The following PPP1R9A variants were observed in gnomAD, a reference collection of about 807,000 sequenced individuals.
PPP1R9A encodes the protein protein phosphatase 1 regulatory subunit 9A.
A neutral mutation model predicts 141.9 loss-of-function variants in PPP1R9A; 59 were observed. The observed-to-expected ratio is 0.42, with a 90% confidence interval of 0.34 to 0.52. PPP1R9A has a LOEUF of 0.52. PPP1R9A is among the 20% of genes least tolerant of loss of function. The pLI is 0.10. For synonymous variants in PPP1R9A, 500 were observed against 569.7 expected (o/e 0.88, Z 1.74); for missense variants, 1,444 against 1,611.9 (o/e 0.90, Z 1.78).
At chr7:95,084,833 A>C (rs1816386493) in intron 2 of PPP1R9A, among the ~76,000 whole-genome samples, 1 of 152,002 alleles carries the variant, frequency 6.6e-6, no homozygotes, top group African/African-American at 2.4e-5. Flanking sequence ...ATGGACATTA[A>C]GATTGTTTAT....
intron 8 of PPP1R9A, among the ~76,000 whole-genome samples, chr7:95,240,420 T>C (rs915155937): frequency 2.0e-5 from 3 of 152,050 alleles, no homozygotes; most frequent in African/African-American, 4.8e-5. Flanking sequence ...ATTTCTGTTT[T>C]TTTTCTAGAA....
intron 4 of PPP1R9A, chr7:95,154,829 T>C (rs1293492920): frequency 1.3e-5 from 2 of 152,284 alleles, no homozygotes; most frequent in East Asian, 1.9e-4. Flanking sequence ...TTTTCCCTTC[T>C]AGTAGTTATA....
chr7:94,964,441 C>T (rs1797982344), intron 2 of PPP1R9A, among the ~76,000 whole-genome samples: 1 of 152,102 alleles, frequency 6.6e-6, no homozygotes, highest in Non-Finnish European at 1.5e-5. Context: ...ACCCATCAAC[C>T]TGTCATCTAC....
intron 2 of PPP1R9A, among the ~76,000 whole-genome samples, chr7:95,097,206 A>T (rs1349762752): frequency 6.6e-6 from 1 of 151,978 alleles, no homozygotes; most frequent in African/African-American, 2.4e-5. Context: ...TTGTATTTTT[A>T]GTAGAGAAGG....
intron 8 of PPP1R9A, among the ~76,000 whole-genome samples, chr7:95,243,959 T>G (rs921173257): frequency 6.6e-6 from 1 of 152,110 alleles, no homozygotes; most frequent in African/African-American, 2.4e-5. Context: ...CCATACTATA[T>G]AAAACAAAAA....
intron 2 of PPP1R9A, among the ~76,000 whole-genome samples, chr7:95,078,356 A>G (rs953812250): frequency 6.6e-6 from 1 of 151,790 alleles, no homozygotes; most frequent in African/African-American, 2.4e-5. Context: ...TATATGTGCC[A>G]CATTTTCTTA....
chr7:95,072,750 ATAT>A (rs1489773184), intron 2 of PPP1R9A, among the ~76,000 whole-genome samples: 34 of 106,094 alleles, frequency 3.2e-4, no homozygotes, highest in South Asian at 1.2e-3. Context: ...ATAATATATA[ATAT>A]TATATTAAAT....
chr7:95,223,136 T>G (rs1794685493), intron 7 of PPP1R9A, among the ~76,000 whole-genome samples: 1 of 151,988 alleles, frequency 6.6e-6, no homozygotes, highest in Admixed American at 6.6e-5. Flanking sequence ...GTCCTCAGGA[T>G]GCTTATAAGG....
intron 2 of PPP1R9A, among the ~76,000 whole-genome samples, chr7:95,046,767 C>T (rs1280629045): frequency 1.3e-5 from 2 of 152,132 alleles, no homozygotes; most frequent in African/African-American, 4.8e-5. Flanking sequence ...CTAAACAATG[C>T]GTTATCTTTG....
intron 2 of PPP1R9A, among the ~76,000 whole-genome samples, chr7:94,983,977 T>C (rs1293568282): frequency 2.6e-5 from 4 of 152,184 alleles, no homozygotes; most frequent in Non-Finnish European, 4.4e-5. Context: ...TTGTCATAAA[T>C]AGCTCTTATT....
rs563147343 is a variant in PPP1R9A at position 95,204,263 on chromosome 7, A to G, written c.1956+533A>G. ...TCTAAAATGATACTATACTTTAAAT[A>G]ATAAAATAATTCTCGTTATGTTTAG... is the stretch of plus-strand genomic sequence containing the variant. On this transcript the variant is annotated intron_variant, in intron 7 of 19. Transcript: ENST00000433360. Among the ~76,000 whole-genome samples the G allele has an allele frequency of 2.0e-5, 3 of 152,342 alleles. No individual in the cohort carries two copies. In the East Asian group the frequency reaches 5.8e-4, roughly 29 times the overall value.
chr7:95,020,841 A>G (rs542528932), intron 2 of PPP1R9A, among the ~76,000 whole-genome samples: 2 of 152,354 alleles, frequency 1.3e-5, no homozygotes, highest in African/African-American at 2.4e-5. Flanking sequence ...TCCGTGGTGT[A>G]TATGTGTCAC....
intron 2 of PPP1R9A, among the ~76,000 whole-genome samples, chr7:95,069,745 A>G (rs1813494567): frequency 6.6e-6 from 1 of 151,946 alleles, no homozygotes; most frequent in Admixed American, 6.6e-5. Context: ...GTTTCTAAGG[A>G]CTTGTTTTTC....
At chr7:95,041,475 GTTTGACAAA>G (rs1157645302) in intron 2 of PPP1R9A, among the ~76,000 whole-genome samples, 1 of 150,420 alleles carries the variant, frequency 6.6e-6, no homozygotes, top group East Asian at 2.0e-4. Context: ...AGTGTAGATT[GTTTGACAAA>G]TTTAAGAAGA....
intron 9 of PPP1R9A, among the ~76,000 whole-genome samples, chr7:95,247,808 A>C (rs1245001546): frequency 1.3e-5 from 2 of 152,204 alleles, no homozygotes; most frequent in Non-Finnish European, 2.9e-5. Flanking sequence ...TAATGGTTCA[A>C]GTATGCAAAG....
At chr7:95,279,665 A>G (rs1803803280) in intron 16 of PPP1R9A, among the ~76,000 whole-genome samples, 1 of 151,350 alleles carries the variant, frequency 6.6e-6, no homozygotes, top group Admixed American at 6.6e-5. Context: ...TAGTGACTCT[A>G]AACGTCCCAA....
At chr7:94,990,461 A>G (rs865962668) in intron 2 of PPP1R9A, among the ~76,000 whole-genome samples, 2 of 152,044 alleles carry the variant, frequency 1.3e-5, no homozygotes, top group Non-Finnish European at 1.5e-5. Flanking sequence ...CTGACACGTA[A>G]TAATTGTGTA....
intron 4 of PPP1R9A, among the ~76,000 whole-genome samples, chr7:95,140,483 T>G (rs1217737487): frequency 6.6e-6 from 1 of 152,182 alleles, no homozygotes; most frequent in East Asian, 1.9e-4. Flanking sequence ...CTTTGCCTCC[T>G]GGGTTCAAGT....
chr7:95,291,501 T>C lies in PPP1R9A; in HGVS notation c.*1198T>C, dbSNP rs533891309. 1 of 152,364 alleles carries C rather than the reference T, an allele frequency of 6.6e-6. No homozygotes were observed. Among genetic ancestry groups the C allele is most frequent in the Admixed American group, 6.5e-5 (1 of 15,306 alleles). 9.4% of individuals were successfully genotyped at this position (152,364 alleles called of 1,614,324 possible). ...TTTAAGGCAGTGCATAGGTATACTT[T>C]AGTAGTGGAGGAACTTATACTAATT... On this transcript the variant is annotated 3_prime_UTR_variant, in exon 20 of 20. Coordinates refer to ENST00000433360, the MANE Select transcript of PPP1R9A (RefSeq NM_001166160.2).
Sources: gnomAD v4.1 joint callset for allele counts (sites outside exome capture counted in the v4.1 genomes callset) on GRCh38, gnomAD v4.1.1 for gene constraint, MANE v1.5 for transcripts, NCBI Gene and HGNC (gene_info 2026-07-23, HGNC 2026-07-21) for gene names.